Variants in HDAC4 observed in about 807,000 individuals in gnomAD.
HDAC4 encodes the protein histone deacetylase 4.
A neutral mutation model predicts 135.1 loss-of-function variants in HDAC4; 16 were observed. The ratio of observed to expected loss-of-function variants is 0.12; its 90% CI spans 0.08 to 0.18. The LOEUF (loss-of-function observed/expected upper bound fraction) is 0.18. HDAC4 is among the 10% of genes least tolerant of loss of function. The pLI is 1.00. For missense variants in HDAC4, 1,143 were observed against 1,511.8 expected, an observed-to-expected ratio of 0.76 and a Z score of 4.05; for synonymous variants, 685 against 653.4, an observed-to-expected ratio of 1.05 and a Z score of -0.74.
chr2:239,131,380 C>T (rs1160040045), intron 11 of HDAC4, among the ~76,000 whole-genome samples: 2 of 152,176 alleles, frequency 1.3e-5, no homozygotes, highest in African/African-American at 4.8e-5. Context: ...GTCTGTGGGC[C>T]AGGAAAACAC....
chr2:239,147,519 T>C (rs1056451390), intron 7 of HDAC4, among the ~76,000 whole-genome samples: 1 of 152,274 alleles, frequency 6.6e-6, no homozygotes, highest in Non-Finnish European at 1.5e-5. Flanking sequence ...ACTGGCTCAG[T>C]GCAGCAGCCC....
chr2:239,083,241 G>C (rs1374523987), intron 20 of HDAC4, among the ~76,000 whole-genome samples: 1 of 152,226 alleles, frequency 6.6e-6, no homozygotes, highest in African/African-American at 2.4e-5. Context: ...CACTCTTTTG[G>C]GGATGGGTCC....
chr2:239,289,143 T>A (rs1203516311), intron 2 of HDAC4, among the ~76,000 whole-genome samples: 1 of 152,148 alleles, frequency 6.6e-6, no homozygotes, highest in Non-Finnish European at 1.5e-5. Context: ...GGGTGTAAAG[T>A]GTCAAACATT....
At chr2:239,134,480 C>T in intron 10 of HDAC4, 37 bp from the exon 11 acceptor site, 2 of 1,612,820 alleles carry the variant, frequency 1.2e-6, no homozygotes, top group Non-Finnish European at 1.7e-6. Context: ...GTGGAAGGAC[C>T]CATCACCACC....
intron 12 of HDAC4, among the ~76,000 whole-genome samples, chr2:239,117,789 G>C (rs368562911): frequency 6.6e-6 from 1 of 152,166 alleles, no homozygotes; most frequent in South Asian, 2.1e-4. Context: ...CAGATTCGAG[G>C]GACGGTGGGA....
chr2:239,106,451 A>G (rs897273961), intron 15 of HDAC4, among the ~76,000 whole-genome samples: 1 of 152,134 alleles, frequency 6.6e-6, no homozygotes. Flanking sequence ...TGTGGAGGGA[A>G]GGGACGTGGG....
chr2:239,319,592 C>A (rs1337937124), intron 2 of HDAC4, among the ~76,000 whole-genome samples: 1 of 152,200 alleles, frequency 6.6e-6, no homozygotes, highest in Non-Finnish European at 1.5e-5. Context: ...CAGGCAGGAA[C>A]CTGGCAAAGA....
chr2:239,368,539 C>T (rs928998793), intron 1 of HDAC4, among the ~76,000 whole-genome samples: 1 of 152,166 alleles, frequency 6.6e-6, no homozygotes, highest in South Asian at 2.1e-4. Context: ...CAGCCGCCCA[C>T]CCACTTCCTT....
At chr2:239,389,545 G>A (rs924128667) in intron 1 of HDAC4, among the ~76,000 whole-genome samples, 17 of 152,242 alleles carry the variant, frequency 1.1e-4, no homozygotes, top group South Asian at 8.3e-4. Flanking sequence ...GAACCCACTG[G>A]AAGGAACCAA....
At chr2:239,118,102 T>A (rs2039306982) in intron 12 of HDAC4, among the ~76,000 whole-genome samples, 1 of 152,020 alleles carries the variant, frequency 6.6e-6, no homozygotes, top group Non-Finnish European at 1.5e-5. Flanking sequence ...AGACGCAGAC[T>A]CACACACACA....
chr2:239,063,894 G>A (rs1222292326), intron 24 of HDAC4, among the ~76,000 whole-genome samples: 2 of 152,090 alleles, frequency 1.3e-5, no homozygotes, highest in Non-Finnish European at 2.9e-5. Context: ...GGCCCCATGG[G>A]CCCCATGGCA....
intron 2 of HDAC4, among the ~76,000 whole-genome samples, chr2:239,295,100 G>A (rs1342016393): frequency 1.3e-5 from 2 of 151,888 alleles, no homozygotes; most frequent in African/African-American, 4.8e-5. Flanking sequence ...GAGGTCAGGA[G>A]ATCGAGACCA....
chr2:239,297,475 C>T (rs1390738212), intron 2 of HDAC4, among the ~76,000 whole-genome samples: 4 of 152,256 alleles, frequency 2.6e-5, no homozygotes, highest in Non-Finnish European at 5.9e-5. Flanking sequence ...GACGGGGTTG[C>T]AGAGGTCAAG....
chr2:239,094,587 T>A, intron 17 of HDAC4: 2 of 1,128,516 alleles, frequency 1.8e-6, no homozygotes, highest in Non-Finnish European at 1.1e-6. Context: ...GGCCCATGAG[T>A]ATCACGGTCA....
At chr2:239,369,212 C>A (rs1327151931) in intron 1 of HDAC4, among the ~76,000 whole-genome samples, 3 of 152,224 alleles carry the variant, frequency 2.0e-5, no homozygotes, top group African/African-American at 7.2e-5. Flanking sequence ...CAGCACGGCC[C>A]ATTCCCCGAC....
chr2:239,121,825 C>T (rs1240403227), intron 12 of HDAC4, among the ~76,000 whole-genome samples: 1 of 152,214 alleles, frequency 6.6e-6, no homozygotes, highest in Non-Finnish European at 1.5e-5. Flanking sequence ...GCCATGGCTG[C>T]AAACAAAGCC....
chr2:239,260,345 A>G (rs564671758), intron 2 of HDAC4, among the ~76,000 whole-genome samples: 47 of 152,188 alleles, frequency 3.1e-4, no homozygotes, highest in Non-Finnish European at 6.0e-4. Context: ...GGCAAGTTTT[A>G]TATGTCCCAG....
chr2:239,195,142 C>G (rs2045290720), intron 3 of HDAC4, among the ~76,000 whole-genome samples: 1 of 152,178 alleles, frequency 6.6e-6, no homozygotes, highest in African/African-American at 2.4e-5. Flanking sequence ...TGTCGCTGTT[C>G]TCACTACGGC....
chr2:239,327,941 G>A (rs2053518223), intron 2 of HDAC4, among the ~76,000 whole-genome samples: 1 of 152,208 alleles, frequency 6.6e-6, no homozygotes, highest in Non-Finnish European at 1.5e-5. Context: ...CCAGGGGCCT[G>A]GGGTGGCTGC....
Sources: allele counts gnomAD v4.1 joint callset (sites outside exome capture counted in the v4.1 genomes callset), GRCh38; gene constraint gnomAD v4.1.1; transcripts MANE v1.5; gene names NCBI Gene and HGNC (gene_info 2026-07-23, HGNC 2026-07-21).